The following FAM81A variants were observed in gnomAD, a reference collection of about 807,000 sequenced individuals.
FAM81A encodes protein FAM81A.
FAM81A carries 19 observed loss-of-function variants against 46.7 expected under a neutral mutation model. The observed-to-expected ratio is 0.41, with a 90% confidence interval of 0.28 to 0.60. The LOEUF (loss-of-function observed/expected upper bound fraction) is 0.60. Ranked by LOEUF, FAM81A falls within the 20% of genes least tolerant of loss-of-function variation. The probability of loss-of-function intolerance (pLI) is 0.34; values close to 1 mark genes in which losing one functional copy is unlikely to be tolerated. For synonymous variants in FAM81A, 183 were observed against 152.9 expected, an observed-to-expected ratio of 1.20 and a Z score of -1.45; for missense variants, 377 against 453.5, an observed-to-expected ratio of 0.83 and a Z score of 1.53.
intron 1 of FAM81A, chr15:59,401,495 C>A (rs2081070227): frequency 4.0e-6 from 3 of 753,516 alleles, no homozygotes; most frequent in South Asian, 1.5e-5. Context: ...CCTGATGAAT[C>A]TTTCATACTT....
intron 8 of FAM81A, among the ~76,000 whole-genome samples, chr15:59,519,137 T>G (rs2082299414): frequency 6.6e-6 from 1 of 152,066 alleles, no homozygotes; most frequent in African/African-American, 2.4e-5. Context: ...TTCCTCCTCT[T>G]CCGCCCCACC....
chr15:59,514,878 T>C (rs57193362), intron 7 of FAM81A, among the ~76,000 whole-genome samples: 1,858 of 152,242 alleles, frequency 0.012, 35 homozygotes, highest in African/African-American at 0.042. Context: ...ACCATTTTTT[T>C]CCCCATTTTC....
intron 4 of FAM81A, among the ~76,000 whole-genome samples, chr15:59,503,650 G>A (rs2082119350): frequency 6.6e-6 from 1 of 151,840 alleles, no homozygotes; most frequent in Non-Finnish European, 1.5e-5. Context: ...TCAGCTCACT[G>A]CAACCTCCGC....
At chr15:59,481,815 G>A (rs375379760) in intron 3 of FAM81A, among the ~76,000 whole-genome samples, 2 of 151,534 alleles carry the variant, frequency 1.3e-5, no homozygotes, top group African/African-American at 4.9e-5. Flanking sequence ...AGTTGTATTG[G>A]GAAGGGCCAG....
At chr15:59,501,650 A>G (rs1320109045) in intron 4 of FAM81A, among the ~76,000 whole-genome samples, 1 of 152,242 alleles carries the variant, frequency 6.6e-6, no homozygotes. Flanking sequence ...GGGACTCTCT[A>G]GATGGACTTC....
At chr15:59,482,225 A>G (rs368019615) in intron 3 of FAM81A, among the ~76,000 whole-genome samples, 112 of 152,256 alleles carry the variant, frequency 7.4e-4, no homozygotes, top group African/African-American at 2.6e-3. Context: ...AACAACTCAG[A>G]TGAAATAAGA....
rs578228079 is a variant in FAM81A at position 59,502,148 on chromosome 15, T to G, written c.414-5065T>G. Among the ~76,000 whole-genome samples, 155 of 151,216 alleles carry G rather than the reference T, an allele frequency of 1.0e-3. 1 individual carries two copies. The highest frequency in any genetic ancestry group is 3.5e-3 in the African/African-American group (145 of 41,520). The stretch of plus-strand genomic sequence containing the variant: ...TAGAGTAAGAACATTATTTTTATTT[T>G]TTATTTTTTTCTTTTTCTTTTTCTT... On this transcript the variant is annotated intron_variant, in intron 4 of 8. Transcript: ENST00000288228.
chr15:59,513,443 A>G (rs1596546747), intron 6 of FAM81A, among the ~76,000 whole-genome samples: 2 of 152,204 alleles, frequency 1.3e-5, no homozygotes, highest in African/African-American at 4.8e-5. Context: ...TGGCTGGCCC[A>G]GCTCTGTGTC....
chr15:59,518,746 C>G (rs138332053), intron 8 of FAM81A, among the ~76,000 whole-genome samples: 1 of 151,818 alleles, frequency 6.6e-6, no homozygotes, highest in African/African-American at 2.4e-5. Context: ...GCCATTATTT[C>G]CTTTATAGCA....
intron 4 of FAM81A, among the ~76,000 whole-genome samples, chr15:59,501,421 AT>A (rs2082089544): frequency 6.6e-6 from 1 of 152,140 alleles, no homozygotes; most frequent in African/African-American, 2.4e-5. Context: ...GTATAGTCTG[AT>A]GGTACTATAA....
chr15:59,422,973 GATA>G (rs2081180541), intron 2 of FAM81A, among the ~76,000 whole-genome samples: 1 of 152,224 alleles, frequency 6.6e-6, no homozygotes, highest in South Asian at 2.1e-4. Context: ...ATGGAATAAT[GATA>G]ATAATGATAG....
At chr15:59,463,106 A>G (rs922468534) in intron 3 of FAM81A, among the ~76,000 whole-genome samples, 11 of 152,320 alleles carry the variant, frequency 7.2e-5, no homozygotes, top group South Asian at 6.2e-4. Flanking sequence ...TCAAGGTCAC[A>G]AAGATTTTCT....
chr15:59,425,547 C>T (rs1020465037), intron 2 of FAM81A, among the ~76,000 whole-genome samples: 1 of 152,070 alleles, frequency 6.6e-6, no homozygotes, highest in Admixed American at 6.5e-5. Context: ...ACAGAAAAAT[C>T]GTACTTTAAA....
chr15:59,516,124 TG>T (rs1209160222), intron 7 of FAM81A, among the ~76,000 whole-genome samples: 2 of 150,088 alleles, frequency 1.3e-5, no homozygotes, highest in African/African-American at 4.9e-5. Context: ...TTGAATGTAG[TG>T]GTTTTTTTTT....
At chr15:59,453,678 TG>T (rs2081446809) in intron 1 of FAM81A, among the ~76,000 whole-genome samples, 1 of 147,916 alleles carries the variant, frequency 6.8e-6, no homozygotes, top group Non-Finnish European at 1.5e-5. Context: ...GCAGTAAAAA[TG>T]GGAAGTTAAG....
intron 2 of FAM81A, among the ~76,000 whole-genome samples, chr15:59,418,317 G>A (rs1208131468): frequency 6.6e-6 from 1 of 152,176 alleles, no homozygotes; most frequent in Admixed American, 6.5e-5. Context: ...ACCTTACGTG[G>A]AGAAGAAGTT....
chr15:59,445,772 A>G (rs943740356), intron 1 of FAM81A, among the ~76,000 whole-genome samples: 2 of 152,336 alleles, frequency 1.3e-5, no homozygotes, highest in Non-Finnish European at 2.9e-5. Context: ...GAGAGTTTAC[A>G]TGGGCTTTTA....
chr15:59,482,123 A>T (rs1036338071), intron 3 of FAM81A, among the ~76,000 whole-genome samples: 2 of 152,126 alleles, frequency 1.3e-5, no homozygotes, highest in African/African-American at 4.8e-5. Flanking sequence ...TCTTTGCTTT[A>T]CTAGAAAGGT....
At chr15:59,433,891 T>C (rs1383273399), upstream of FAM81A, among the ~76,000 whole-genome samples, 1 of 152,234 alleles carries the variant, frequency 6.6e-6, no homozygotes, top group African/African-American at 2.4e-5. Context: ...AGTCTCACTC[T>C]GTCACCCAGG....
Sources: gnomAD v4.1 joint callset for allele counts (sites outside exome capture counted in the v4.1 genomes callset) on GRCh38, gnomAD v4.1.1 for gene constraint, MANE v1.5 for transcripts, NCBI Gene and HGNC (gene_info 2026-07-23, HGNC 2026-07-21) for gene names.